UBR3: variants seen among roughly 807,000 people sequenced by gnomAD.
UBR3 encodes the protein E3 ubiquitin-protein ligase UBR3.
In UBR3, 85 loss-of-function variants were observed where a neutral mutation model predicts 243.2. The ratio of observed to expected loss-of-function variants is 0.35; its 90% confidence interval spans 0.29 to 0.42. The LOEUF (loss-of-function observed/expected upper bound fraction) is 0.42. Ranked by LOEUF, UBR3 falls within the 10% of genes least tolerant of loss-of-function variation. The pLI is 1.00. For missense variants in UBR3, 1,686 were observed against 2,300.8 expected, an observed-to-expected ratio of 0.73 and a Z score of 5.47; for synonymous variants, 748 against 799.8, an observed-to-expected ratio of 0.94 and a Z score of 1.09.
intron 24 of UBR3, among the ~76,000 whole-genome samples, chr2:169,974,166 C>T (rs999586382): frequency 1.3e-5 from 2 of 152,066 alleles, no homozygotes; most frequent in Non-Finnish European, 2.9e-5. Context: ...GTTTTTGTAT[C>T]ATGGTAATGC....
intron 36 of UBR3, among the ~76,000 whole-genome samples, chr2:170,078,573 T>C (rs2091856176): frequency 6.6e-6 from 1 of 152,220 alleles, no homozygotes; most frequent in African/African-American, 2.4e-5. Flanking sequence ...AGTTTGTAAA[T>C]TTCATGAATT....
intron 2 of UBR3, among the ~76,000 whole-genome samples, chr2:169,872,664 G>A (rs1354557464): frequency 1.3e-5 from 2 of 152,052 alleles, no homozygotes; most frequent in Non-Finnish European, 2.9e-5. Flanking sequence ...TGGGGTTAAC[G>A]TGACTTTATT....
intron 1 of UBR3, among the ~76,000 whole-genome samples, chr2:169,852,592 C>T (rs2105294111): frequency 6.6e-6 from 1 of 151,704 alleles, no homozygotes; most frequent in Non-Finnish European, 1.5e-5. Context: ...CCTGTAATCC[C>T]AGCACTTTGG....
chr2:170,073,647 T>TA (rs1559237894), intron 36 of UBR3, 40 bp downstream of exon 36: 8 of 1,586,248 alleles, frequency 5.0e-6, no homozygotes, highest in Middle Eastern at 1.7e-4. Flanking sequence ...ACGGTGGTGA[T>TA]ATGCTAATAG....
intron 24 of UBR3, among the ~76,000 whole-genome samples, chr2:169,973,529 A>G (rs1256141360): frequency 4.0e-5 from 6 of 151,876 alleles, no homozygotes; most frequent in African/African-American, 9.7e-5. Flanking sequence ...TAGAAACACT[A>G]CTGATTTTTC....
At chr2:170,006,964 A>G (rs760125427) in intron 27 of UBR3, 26 bp from the exon 28 acceptor site, 2 of 1,606,098 alleles carry the variant, frequency 1.2e-6, no homozygotes, top group Non-Finnish European at 1.7e-6. Flanking sequence ...TATATCACGC[A>G]TCTGTATGTT....
At chr2:169,945,168 G>A (rs1030042973) in intron 20 of UBR3, among the ~76,000 whole-genome samples, 20 of 150,070 alleles carry the variant, frequency 1.3e-4, no homozygotes, top group Middle Eastern at 3.5e-3. Flanking sequence ...GGTTGGGGAT[G>A]GGACAAGTGA....
At chr2:170,036,244 TC>T (rs2090829535) in intron 31 of UBR3, among the ~76,000 whole-genome samples, 1 of 152,098 alleles carries the variant, frequency 6.6e-6, no homozygotes, top group Non-Finnish European at 1.5e-5. Context: ...TTTGCCTAGT[TC>T]CTGATCTTAG....
At chr2:169,911,659 T>G (rs2085259050) in intron 10 of UBR3, among the ~76,000 whole-genome samples, 1 of 152,128 alleles carries the variant, frequency 6.6e-6, no homozygotes, top group East Asian at 1.9e-4. Context: ...TCTTAGTACC[T>G]ACTTGTCAAA....
intron 1 of UBR3, among the ~76,000 whole-genome samples, chr2:169,836,464 C>A (rs1289340301): frequency 6.6e-6 from 1 of 151,670 alleles, no homozygotes; most frequent in Non-Finnish European, 1.5e-5. Context: ...ACGAAGGGAA[C>A]AACACACACA....
chr2:169,863,314 T>A (rs183327742), intron 1 of UBR3, among the ~76,000 whole-genome samples: 79 of 152,350 alleles, frequency 5.2e-4, no homozygotes, highest in African/African-American at 1.7e-3. Flanking sequence ...GTATGTTCAT[T>A]TAGTGATATT....
chr2:169,914,487 T>C (rs2085376168), intron 11 of UBR3, among the ~76,000 whole-genome samples: 1 of 152,152 alleles, frequency 6.6e-6, no homozygotes, highest in Non-Finnish European at 1.5e-5. Flanking sequence ...CAAATGTGAA[T>C]AGGATAGGGG....
At chr2:170,075,358 G>C (rs886957850) in intron 36 of UBR3, among the ~76,000 whole-genome samples, 1 of 151,990 alleles carries the variant, frequency 6.6e-6, no homozygotes. Context: ...GGAGTAAGAG[G>C]GGTATAATTG....
chr2:169,846,250 AC>A lies in UBR3; in HGVS notation c.545+18199del. 1.3e-5 allele frequency among the ~76,000 whole-genome samples: 2 copies of A among 152,088 alleles called. 1 individual carries two copies. The highest frequency in any genetic ancestry group is 4.8e-5 in the African/African-American group (2 of 41,414). On this transcript the variant is annotated intron_variant, in intron 1 of 38. Coordinates refer to ENST00000272793, the MANE Select transcript of UBR3 (RefSeq NM_172070.4). The stretch of plus-strand genomic sequence containing the variant: ...TTTGGAGTTCTGTTGTTAGGTATAC[AC>A]TTAGGATTGTTATGTCTTTGTGGTG...
intron 1 of UBR3, among the ~76,000 whole-genome samples, chr2:169,859,194 C>T (rs1029799782): frequency 5.3e-5 from 8 of 150,302 alleles, no homozygotes; most frequent in Middle Eastern, 3.5e-3. Context: ...GCTTCAGCCT[C>T]CCAAGTAGCT....
intron 36 of UBR3, chr2:170,077,100 T>C: frequency 2.5e-6 from 1 of 401,692 alleles, no homozygotes; most frequent in Non-Finnish European, 4.8e-6. Flanking sequence ...TTTTAATGTT[T>C]ACAATTTAAT....
At chr2:169,882,287 ATATTGTATATTTATG>A (rs1430290027) in intron 5 of UBR3, among the ~76,000 whole-genome samples, 1 of 139,752 alleles carries the variant, frequency 7.2e-6, no homozygotes, top group East Asian at 2.0e-4. Flanking sequence ...ATATATTTAT[ATATTGTATATTTATG>A]TATATTATAT....
chr2:170,065,377 C>T (rs1351407102), intron 35 of UBR3, among the ~76,000 whole-genome samples: 1 of 152,096 alleles, frequency 6.6e-6, no homozygotes, highest in Non-Finnish European at 1.5e-5. Flanking sequence ...ACCTCCACCT[C>T]CTGGGTTCAA....
chr2:169,945,820 T>C (rs1374910172), intron 20 of UBR3, among the ~76,000 whole-genome samples: 1 of 152,188 alleles, frequency 6.6e-6, no homozygotes, highest in African/African-American at 2.4e-5. Flanking sequence ...ACCACTTGCA[T>C]TCCTTCTACC....
Sources: allele counts gnomAD v4.1 joint callset (sites outside exome capture counted in the v4.1 genomes callset), GRCh38; gene constraint gnomAD v4.1.1; transcripts MANE v1.5; gene names NCBI Gene and HGNC (gene_info 2026-07-23, HGNC 2026-07-21).